TSNARE1: variants seen among roughly 807,000 people sequenced by gnomAD.
TSNARE1 encodes the protein t-SNARE domain containing 1.
TSNARE1 carries 49 observed loss-of-function variants against 62.0 expected under a neutral mutation model. That is an observed-to-expected ratio of 0.79 (90% CI 0.63 to 1.00). The LOEUF (loss-of-function observed/expected upper bound fraction) is 1.00. Among genes scored for constraint, TSNARE1 ranks in the 50% least tolerant of loss-of-function variants. The pLI, the probability that TSNARE1 is intolerant of heterozygous loss-of-function variation, is 0.00. For synonymous variants in TSNARE1, 328 were observed against 294.4 expected (o/e 1.11, Z -1.17); for missense variants, 755 against 700.1 (o/e 1.08, Z -0.88).
chr8:142,305,376 C>T (rs1333886475), intron 9 of TSNARE1, among the ~76,000 whole-genome samples: 2 of 152,030 alleles, frequency 1.3e-5, no homozygotes, highest in Admixed American at 6.5e-5. Flanking sequence ...AACGGGGTTC[C>T]GTGTGGACGC....
At chr8:142,398,610 G>C (rs1019124460) in intron 1 of TSNARE1, among the ~76,000 whole-genome samples, 3 of 152,158 alleles carry the variant, frequency 2.0e-5, no homozygotes, top group African/African-American at 7.2e-5. Context: ...TCTGTAAGGT[G>C]CACAGCAGTG....
At chr8:142,308,840 A>G (rs1367115399) in intron 9 of TSNARE1, among the ~76,000 whole-genome samples, 1 of 152,164 alleles carries the variant, frequency 6.6e-6, no homozygotes, top group African/African-American at 2.4e-5. Flanking sequence ...TATTGAGCCT[A>G]CAGATTCACT....
intron 9 of TSNARE1, among the ~76,000 whole-genome samples, chr8:142,308,998 A>G (rs192685600): frequency 1.6e-3 from 244 of 152,282 alleles, no homozygotes; most frequent in African/African-American, 5.7e-3. Context: ...CATGTTTTTT[A>G]ATGTAGAGGC....
At chr8:142,241,367 C>T (rs555178599) in intron 12 of TSNARE1, among the ~76,000 whole-genome samples, 1 of 152,142 alleles carries the variant, frequency 6.6e-6, no homozygotes, top group South Asian at 2.1e-4. Flanking sequence ...GAAGAAGACA[C>T]AAATAAATGG....
In TSNARE1 at chr8:142,263,257, G is replaced by A. The variant is rs187019964; in HGVS notation, c.1446+11524C>T. Among the ~76,000 whole-genome samples, 16 of 152,334 alleles carry A rather than the reference G, an allele frequency of 1.1e-4. No homozygotes were observed. The East Asian group carries it at 2.3e-3, about 22-fold the overall frequency. ...ATTGTAACAAATACTTTCTCAGGAC[G>A]TCTGGAAATGGCAATCATCTGCTTT... On this transcript the variant is annotated intron_variant, in intron 12 of 13. Coordinates refer to ENST00000524325, the MANE Select transcript of TSNARE1 (RefSeq NM_145003.5).
chr8:142,399,787 T>C (rs550695481), intron 1 of TSNARE1, among the ~76,000 whole-genome samples: 1 of 152,262 alleles, frequency 6.6e-6, no homozygotes, highest in African/African-American at 2.4e-5. Context: ...AATCAGACTT[T>C]AAAGAACACA....
intron 11 of TSNARE1, among the ~76,000 whole-genome samples, chr8:142,282,482 AAGAGCAAAGGCGGGG>A (rs1821705999): frequency 6.6e-6 from 1 of 151,862 alleles, no homozygotes. Context: ...CTGTCTGTCA[AAGAGCAAAGGCGGGG>A]TCAGTGTCTG....
At chr8:142,401,918 G>T (rs1217719681) in intron 1 of TSNARE1, among the ~76,000 whole-genome samples, 1 of 152,172 alleles carries the variant, frequency 6.6e-6, no homozygotes, top group Non-Finnish European at 1.5e-5. Flanking sequence ...ACAAACTTCA[G>T]CTTTCTTTCA....
chr8:142,247,377 G>A (rs1289646269), intron 12 of TSNARE1, among the ~76,000 whole-genome samples: 3 of 152,232 alleles, frequency 2.0e-5, no homozygotes, highest in East Asian at 1.9e-4. Context: ...TTGTCTGTCT[G>A]TTGGGTTTTG....
At chr8:142,402,049 T>C (rs756764973) in intron 1 of TSNARE1, among the ~76,000 whole-genome samples, 2 of 151,846 alleles carry the variant, frequency 1.3e-5, no homozygotes, top group African/African-American at 2.4e-5. Context: ...AGAAATACTG[T>C]AGGGAGAGCG....
intron 1 of TSNARE1, among the ~76,000 whole-genome samples, chr8:142,368,973 AC>A (rs1258126796): frequency 1.3e-5 from 2 of 152,148 alleles, no homozygotes; most frequent in African/African-American, 4.8e-5. Flanking sequence ...GCAGCAAAGG[AC>A]TCAAGCAGAG....
chr8:142,229,154 G>C (rs1387694877), intron 13 of TSNARE1, among the ~76,000 whole-genome samples: 4 of 151,842 alleles, frequency 2.6e-5, no homozygotes, highest in Non-Finnish European at 5.9e-5. Context: ...GGTGGAAGGT[G>C]GATGGATGAA....
chr8:142,271,289 C>T, intron 12 of TSNARE1: 1 of 1,076,176 alleles, frequency 9.3e-7, no homozygotes, highest in Non-Finnish European at 1.1e-6. Context: ...GGCCTCCACG[C>T]CATCGGCCAG....
At chr8:142,329,023 C>T (rs1372884884) in intron 6 of TSNARE1, among the ~76,000 whole-genome samples, 4 of 152,110 alleles carry the variant, frequency 2.6e-5, no homozygotes, top group East Asian at 1.9e-4. Flanking sequence ...TGATGGCGGC[C>T]GTGGATGAAG....
At chr8:142,396,755 T>C (rs1808180285) in intron 1 of TSNARE1, among the ~76,000 whole-genome samples, 2 of 152,012 alleles carry the variant, frequency 1.3e-5, no homozygotes, top group African/African-American at 4.8e-5. Context: ...TGACTTCAGG[T>C]AAGTTTCCCA....
At chr8:142,314,602 G>A (rs1047791923) in intron 8 of TSNARE1, among the ~76,000 whole-genome samples, 162 bp from the exon 9 acceptor site, 4 of 152,072 alleles carry the variant, frequency 2.6e-5, no homozygotes, top group Non-Finnish European at 4.4e-5. Context: ...CTCTGCCAGC[G>A]ACTCGCTGGA....
At chr8:142,282,775 A>G (rs1821823922) in intron 11 of TSNARE1, among the ~76,000 whole-genome samples, 1 of 142,608 alleles carries the variant, frequency 7.0e-6, no homozygotes, top group African/African-American at 2.7e-5. Context: ...TCTGCCAATG[A>G]GCAGAGGCGG....
At chr8:142,398,800 G>A (rs975556911) in intron 1 of TSNARE1, among the ~76,000 whole-genome samples, 9 of 152,178 alleles carry the variant, frequency 5.9e-5, no homozygotes, top group African/African-American at 1.9e-4. Context: ...ACACCCAGTA[G>A]ACTGTCCTGC....
chr8:142,293,782 T>C (rs1263177669), intron 10 of TSNARE1, among the ~76,000 whole-genome samples: 2 of 152,202 alleles, frequency 1.3e-5, no homozygotes, highest in Non-Finnish European at 2.9e-5. Flanking sequence ...CTGTTGGCTC[T>C]GCCCTGGAGC....
Sources: gnomAD v4.1 joint callset for allele counts (sites outside exome capture counted in the v4.1 genomes callset) on GRCh38, gnomAD v4.1.1 for gene constraint, MANE v1.5 for transcripts, NCBI Gene and HGNC (gene_info 2026-07-23, HGNC 2026-07-21) for gene names.